The following CEP128 variants were observed in gnomAD, a reference collection of about 807,000 sequenced individuals.
CEP128 encodes the protein centrosomal protein 128.
CEP128 carries 132 observed loss-of-function variants against 156.7 expected under a neutral mutation model. That is an observed-to-expected ratio of 0.84 (90% CI 0.73 to 0.97). The LOEUF (loss-of-function observed/expected upper bound fraction) is 0.97. Among genes scored for constraint, CEP128 ranks in the 50% least tolerant of loss-of-function variants. The pLI is 0.00. For synonymous variants in CEP128, 469 were observed against 448.9 expected, an observed-to-expected ratio of 1.04 and a Z score of -0.57; for missense variants, 1,252 against 1,281.9, an observed-to-expected ratio of 0.98 and a Z score of 0.36.
Position 80,725,568 on chromosome 14 carries a change from TC to T in CEP128, c.2806+17506del, listed in dbSNP as rs1481382052. 5.9e-5 allele frequency among the ~76,000 whole-genome samples: 9 copies of T among 152,176 alleles called. No individual in the cohort carries two copies. The East Asian group carries it at 1.7e-3, about 29-fold the overall frequency. On this transcript the variant is annotated intron_variant, in intron 19 of 24. Transcript: ENST00000555265. Reference sequence around the variant, plus strand: ...CACAAGTTCCCTCTATTTCACATTATCCCCAACAAGAATGACCCATAACTGA... The same window carrying T: ...CACAAGTTCCCTCTATTTCACATTATCCCAACAAGAATGACCCATAACTGA...
intron 19 of CEP128, among the ~76,000 whole-genome samples, chr14:80,640,864 TA>T: frequency 6.6e-6 from 1 of 152,338 alleles, no homozygotes; most frequent in Non-Finnish European, 1.5e-5. Context: ...CATCTAAATC[TA>T]AACTTGTTAT....
chr14:80,683,923 A>T (rs1478981362), intron 19 of CEP128, among the ~76,000 whole-genome samples: 1 of 152,116 alleles, frequency 6.6e-6, no homozygotes, highest in East Asian at 1.9e-4. Flanking sequence ...CAACATACCA[A>T]AACCTCTGAG....
chr14:80,808,842 C>T (rs1488345043), intron 13 of CEP128, among the ~76,000 whole-genome samples: 1 of 152,060 alleles, frequency 6.6e-6, no homozygotes, highest in African/African-American at 2.4e-5. Context: ...CAACCAACGC[C>T]ACTAATGTGT....
chr14:80,661,864 T>C (rs907372087), intron 19 of CEP128, among the ~76,000 whole-genome samples: 1 of 152,152 alleles, frequency 6.6e-6, no homozygotes, highest in Non-Finnish European at 1.5e-5. Context: ...AAAATATGAA[T>C]GCAAAGTGTC....
At chr14:80,614,818 T>C (rs898611902) in intron 19 of CEP128, among the ~76,000 whole-genome samples, 2 of 152,244 alleles carry the variant, frequency 1.3e-5, no homozygotes, top group African/African-American at 2.4e-5. Flanking sequence ...AGCATTCGTC[T>C]TGCTTTGAAA....
intron 8 of CEP128, among the ~76,000 whole-genome samples, chr14:80,877,333 A>T (rs888126967): frequency 6.6e-6 from 1 of 152,238 alleles, no homozygotes; most frequent in Non-Finnish European, 1.5e-5. Flanking sequence ...TTTACATTAA[A>T]TGTAATACAG....
chr14:80,886,123 G>A (rs914652169), intron 8 of CEP128, among the ~76,000 whole-genome samples: 13 of 152,086 alleles, frequency 8.5e-5, no homozygotes, highest in Admixed American at 1.3e-4. Flanking sequence ...AGGAATATGG[G>A]ACTATGTGAA....
intron 19 of CEP128, among the ~76,000 whole-genome samples, chr14:80,627,700 T>C (rs1015017067): frequency 2.0e-5 from 3 of 151,674 alleles, no homozygotes; most frequent in Non-Finnish European, 2.9e-5. Flanking sequence ...AGAAAAGCAA[T>C]TTAGAAAGTC....
intron 14 of CEP128, among the ~76,000 whole-genome samples, chr14:80,483,329 A>G (rs1351214250): frequency 6.6e-6 from 1 of 152,216 alleles, no homozygotes; most frequent in African/African-American, 2.4e-5. Context: ...CACAAACACA[A>G]AAGAAATAAT....
chr14:80,814,668 A>C lies in CEP128; in HGVS notation c.1209+16475T>G, dbSNP rs967466079. On this transcript the variant is annotated intron_variant, in intron 13 of 24. Transcript: ENST00000555265. Reference sequence around the variant, plus strand: ...AATACTAGAAGAAAACCTATGAAAAATTCTTCTGGGCGTTGGTCTAAGCAA... The same window carrying C: ...AATACTAGAAGAAAACCTATGAAAACTTCTTCTGGGCGTTGGTCTAAGCAA... Among the ~76,000 whole-genome samples the C allele has an allele frequency of 3.3e-5, 5 of 152,186 alleles. No individual in the cohort carries two copies. In the South Asian group the frequency reaches 1.0e-3, roughly 32 times the overall value.
intron 19 of CEP128, among the ~76,000 whole-genome samples, chr14:80,719,344 A>G (rs1005128039): frequency 3.9e-5 from 6 of 152,334 alleles, no homozygotes; most frequent in African/African-American, 1.4e-4. Flanking sequence ...CCCAAGCAGT[A>G]CCATTTAATA....
intron 8 of CEP128, among the ~76,000 whole-genome samples, chr14:80,865,144 T>C (rs759097423): frequency 2.0e-5 from 3 of 152,184 alleles, no homozygotes; most frequent in Non-Finnish European, 2.9e-5. Context: ...AACTAGACTT[T>C]TTGGAGTCCA....
At chr14:80,541,821 G>A (rs1164659741) in intron 21 of CEP128, among the ~76,000 whole-genome samples, 2 of 152,164 alleles carry the variant, frequency 1.3e-5, no homozygotes, top group African/African-American at 4.8e-5. Context: ...GCAAGACTGG[G>A]CTTGGTCAAT....
intron 17 of CEP128, among the ~76,000 whole-genome samples, chr14:80,760,994 TG>T (rs1482600701): frequency 6.6e-6 from 1 of 152,038 alleles, no homozygotes; most frequent in African/African-American, 2.4e-5. Context: ...TTCTCTTAAG[TG>T]GGTTTAATCA....
chr14:80,486,324 A>AG (rs1380435956), downstream of CEP128, among the ~76,000 whole-genome samples: 1 of 151,686 alleles, frequency 6.6e-6, no homozygotes, highest in Non-Finnish European at 1.5e-5. Flanking sequence ...AGAGAAAAAA[A>AG]AATAAAAAGA....
intron 16 of CEP128, among the ~76,000 whole-genome samples, chr14:80,766,802 C>T (rs181846617): frequency 3.6e-4 from 55 of 151,916 alleles, no homozygotes; most frequent in African/African-American, 1.2e-3. Flanking sequence ...TCTTTACATA[C>T]GTCAACAAAG....
At chr14:80,797,398 A>G (rs763296252) in intron 13 of CEP128, among the ~76,000 whole-genome samples, 1 of 152,194 alleles carries the variant, frequency 6.6e-6, no homozygotes, top group Non-Finnish European at 1.5e-5. Flanking sequence ...CTTGTAAATA[A>G]TTGTGGTTTT....
At chr14:80,896,245 A>G (rs1889346039) in intron 7 of CEP128, among the ~76,000 whole-genome samples, 1 of 152,194 alleles carries the variant, frequency 6.6e-6, no homozygotes, top group African/African-American at 2.4e-5. Flanking sequence ...TACAAACTCT[A>G]TCCTCACTAA....
chr14:80,664,849 T>C (rs1895547585), intron 19 of CEP128, among the ~76,000 whole-genome samples: 1 of 152,172 alleles, frequency 6.6e-6, no homozygotes, highest in African/African-American at 2.4e-5. Flanking sequence ...GAAGCAAAGT[T>C]CTAAAACCTG....
Sources: allele counts gnomAD v4.1 joint callset (sites outside exome capture counted in the v4.1 genomes callset), GRCh38; gene constraint gnomAD v4.1.1; transcripts MANE v1.5; gene names NCBI Gene and HGNC (gene_info 2026-07-23, HGNC 2026-07-21).